The following RSU1 variants were observed in gnomAD, a reference collection of about 807,000 sequenced individuals.
RSU1 encodes rsu-1.
In RSU1, 26 loss-of-function variants were observed where a neutral mutation model predicts 31.1. The observed-to-expected ratio is 0.84, with a 90% CI of 0.61 to 1.16. The LOEUF (loss-of-function observed/expected upper bound fraction) is 1.16. Among genes scored for constraint, RSU1 ranks in the 50% most tolerant of loss-of-function variants. The pLI, the probability that RSU1 is intolerant of heterozygous loss-of-function variation, is 0.00. For missense variants in RSU1, 320 were observed against 339.1 expected, an observed-to-expected ratio of 0.94 and a Z score of 0.44; for synonymous variants, 164 against 136.3, an observed-to-expected ratio of 1.20 and a Z score of -1.41.
intron 8 of RSU1, among the ~76,000 whole-genome samples, chr10:16,612,619 G>T (rs1280650350): frequency 6.6e-6 from 1 of 152,196 alleles, no homozygotes; most frequent in Non-Finnish European, 1.5e-5. Flanking sequence ...ACTCTGCAGT[G>T]AAAATGTCAT....
At chr10:16,789,910 T>C (rs576423228) in intron 2 of RSU1, among the ~76,000 whole-genome samples, 2 of 152,246 alleles carry the variant, frequency 1.3e-5, no homozygotes, top group Non-Finnish European at 2.9e-5. Context: ...GAAAACGTGT[T>C]GACGTGCACA....
chr10:16,713,672 T>C (rs529523763), intron 7 of RSU1, among the ~76,000 whole-genome samples: 1 of 152,386 alleles, frequency 6.6e-6, no homozygotes, highest in East Asian at 1.9e-4. Flanking sequence ...TTTTCAGGCA[T>C]TTCATAAATG....
At chr10:16,736,879 G>C (rs573130634) in intron 7 of RSU1, among the ~76,000 whole-genome samples, 52 of 152,008 alleles carry the variant, frequency 3.4e-4, no homozygotes, top group Non-Finnish European at 4.3e-4. Context: ...GCATACACTT[G>C]GAAGTGAAAA....
chr10:16,753,524 G>C (rs1449424679), intron 5 of RSU1, among the ~76,000 whole-genome samples: 1 of 152,154 alleles, frequency 6.6e-6, no homozygotes, highest in Non-Finnish European at 1.5e-5. Context: ...TCCATAATCT[G>C]ACTAATTATT....
At chr10:16,680,403 G>C (rs1032152299) in intron 8 of RSU1, among the ~76,000 whole-genome samples, 1 of 152,112 alleles carries the variant, frequency 6.6e-6, no homozygotes. Context: ...AACAAGGACT[G>C]TGTTAGTTCA....
chr10:16,776,544 G>A (rs1837536454), intron 3 of RSU1, among the ~76,000 whole-genome samples: 1 of 151,206 alleles, frequency 6.6e-6, no homozygotes, highest in Non-Finnish European at 1.5e-5. Context: ...TACCTGCCTG[G>A]CCATTTCCGA....
Position 16,592,501 on chromosome 10 carries a change from A to T in RSU1, c.*893T>A, listed in dbSNP as rs1833525139. 6.6e-6 allele frequency: 1 copy of T among 152,196 alleles called. No individual in the cohort carries two copies. The highest frequency in any genetic ancestry group is 1.5e-5 in the Non-Finnish European group (1 of 68,040). 9.4% of individuals were successfully genotyped at this position (152,196 alleles called of 1,614,324 possible). ...TGCACATTTACACAACTTCCTTGGC[A>T]TCGAAGTCGCTTAGAAGAATGCTTC... On this transcript the variant is annotated 3_prime_UTR_variant, in exon 9 of 9. Coordinates refer to ENST00000345264, the MANE Select transcript of RSU1 (RefSeq NM_012425.4).
At chr10:16,621,837 C>T (rs7073350) in intron 8 of RSU1, among the ~76,000 whole-genome samples, 52,118 of 152,120 alleles carry the variant, frequency 0.34, 14,464 homozygotes, top group African/African-American at 0.78. Flanking sequence ...CAAGATGAGA[C>T]TTGGGTGGGG....
intron 8 of RSU1, among the ~76,000 whole-genome samples, chr10:16,619,570 G>A (rs905820756): frequency 6.6e-6 from 1 of 152,168 alleles, no homozygotes; most frequent in African/African-American, 2.4e-5. Context: ...GTTCCCTAAG[G>A]AAGTGCCTCG....
chr10:16,639,831 G>A (rs1057357542), intron 8 of RSU1, among the ~76,000 whole-genome samples: 1 of 152,128 alleles, frequency 6.6e-6, no homozygotes. Flanking sequence ...CAGCAACACC[G>A]CAATTCAAGC....
At chr10:16,792,843 C>T (rs1837954137) in intron 2 of RSU1, among the ~76,000 whole-genome samples, 1 of 152,208 alleles carries the variant, frequency 6.6e-6, no homozygotes, top group African/African-American at 2.4e-5. Flanking sequence ...TTAAATAACC[C>T]TCATCAGAGG....
chr10:16,737,059 A>C (rs994127539), intron 7 of RSU1, among the ~76,000 whole-genome samples: 3 of 152,136 alleles, frequency 2.0e-5, no homozygotes, highest in East Asian at 1.9e-4. Flanking sequence ...AAAAGAAACA[A>C]AACAAGATAA....
chr10:16,676,671 A>G (rs1397887721), intron 8 of RSU1, among the ~76,000 whole-genome samples: 2 of 152,208 alleles, frequency 1.3e-5, no homozygotes, highest in Admixed American at 6.5e-5. Flanking sequence ...AAATGTTCCA[A>G]TGAGCATTTC....
intron 2 of RSU1, among the ~76,000 whole-genome samples, chr10:16,803,567 G>C (rs1157852405): frequency 6.6e-6 from 1 of 152,154 alleles, no homozygotes; most frequent in African/African-American, 2.4e-5. Context: ...CACTGACACT[G>C]ACCAACTTCA....
At chr10:16,684,998 A>C (rs1231934581) in intron 8 of RSU1, among the ~76,000 whole-genome samples, 1 of 152,160 alleles carries the variant, frequency 6.6e-6, no homozygotes, top group Non-Finnish European at 1.5e-5. Context: ...TTGTAATCCC[A>C]GGACTTTGGG....
rs536600415 is a variant in RSU1, at chr10:16,654,361, C to CAA, written c.731+40660_731+40661dup. ...GGTTTGTTGCCTACACCTAAATTTGCAAAAAAAAAAAAAAAAAAAGGAAAT... is the reference window on the plus strand; with the variant it reads ...GGTTTGTTGCCTACACCTAAATTTGCAAAAAAAAAAAAAAAAAAAAAGGAAAT... On this transcript the variant is annotated intron_variant, in intron 8 of 8. Transcript: ENST00000345264. Among the ~76,000 whole-genome samples the CAA allele has an allele frequency of 2.4e-3, 217 of 92,222 alleles. 3 individuals carry two copies. Among genetic ancestry groups the CAA allele is most frequent in the African/African-American group, 7.1e-3 (188 of 26,482 alleles). 60.5% of individuals were successfully genotyped at this position (92,222 alleles called of 152,430 possible). A position where few individuals can be genotyped will look rare whatever the true frequency, so the allele number is the denominator to read the frequency against.
chr10:16,616,490 G>C (rs554354727), intron 8 of RSU1, among the ~76,000 whole-genome samples: 1 of 151,898 alleles, frequency 6.6e-6, no homozygotes, highest in African/African-American at 2.4e-5. Flanking sequence ...TAGAAAAAGA[G>C]GGACTCCTCC....
At position 16,782,099 on chromosome 10, in the gene RSU1, A is replaced by T; in HGVS notation, c.110-15T>A. The T allele has an allele frequency of 6.3e-7, 1 of 1,592,606 alleles. No individual in the cohort carries two copies. Among genetic ancestry groups the T allele is most frequent in the East Asian group, 2.2e-5 (1 of 44,534 alleles). ...GGATAAGGTAACTAAAAAGAAAAGAAAAAAAAAAAGGTCAGTCAGTAAATG... is the reference window on the plus strand; with the variant it reads ...GGATAAGGTAACTAAAAAGAAAAGATAAAAAAAAAGGTCAGTCAGTAAATG... On this transcript the variant is annotated splice_polypyrimidine_tract_variant and intron_variant, in intron 2 of 8. Coordinates refer to ENST00000345264, the MANE Select transcript of RSU1 (RefSeq NM_012425.4).
At chr10:16,816,034 T>C (rs1320604789) in intron 2 of RSU1, among the ~76,000 whole-genome samples, 1 of 152,190 alleles carries the variant, frequency 6.6e-6, no homozygotes, top group Non-Finnish European at 1.5e-5. Context: ...TTACCGTCGA[T>C]AATGGACAAC....
Sources: allele counts gnomAD v4.1 joint callset (sites outside exome capture counted in the v4.1 genomes callset), GRCh38; gene constraint gnomAD v4.1.1; transcripts MANE v1.5; gene names NCBI Gene and HGNC (gene_info 2026-07-23, HGNC 2026-07-21).